The following CPNE8 variants were observed in gnomAD, a reference collection of about 807,000 sequenced individuals.
CPNE8 encodes the protein copine 8, also known as copine-8.
Under a neutral mutation model 81.5 loss-of-function variants are expected in CPNE8, and 45 were observed. The observed-to-expected ratio is 0.55, with a 90% CI of 0.44 to 0.71. The LOEUF is 0.71. CPNE8 is among the 30% of genes least tolerant of loss of function. The pLI is 0.00. For missense variants in CPNE8, 594 were observed against 672.1 expected, an observed-to-expected ratio of 0.88 and a Z score of 1.28; for synonymous variants, 252 against 226.3, an observed-to-expected ratio of 1.11 and a Z score of -1.02.
At chr12:38,737,515 C>T (rs1267431310) in intron 10 of CPNE8, among the ~76,000 whole-genome samples, 1 of 152,028 alleles carries the variant, frequency 6.6e-6, no homozygotes, top group Non-Finnish European at 1.5e-5. Context: ...TAATTCTGGG[C>T]CAATGCTAAA....
chr12:38,753,351 C>G (rs1345769812), intron 10 of CPNE8, among the ~76,000 whole-genome samples: 1 of 152,118 alleles, frequency 6.6e-6, no homozygotes, highest in African/African-American at 2.4e-5. Flanking sequence ...ACTCAGGAGG[C>G]TGAGACAGGA....
intron 6 of CPNE8, among the ~76,000 whole-genome samples, chr12:38,795,749 G>A (rs1382482579): frequency 6.6e-6 from 1 of 152,154 alleles, no homozygotes; most frequent in Non-Finnish European, 1.5e-5. Flanking sequence ...AATGAGTACA[G>A]AGTTTCAGTT....
At chr12:38,896,033 AT>A (rs568781134) in intron 1 of CPNE8, among the ~76,000 whole-genome samples, 40 of 152,132 alleles carry the variant, frequency 2.6e-4, no homozygotes, top group Non-Finnish European at 5.1e-4. Flanking sequence ...ATTAGCCCAC[AT>A]TAACCACTTT....
intron 6 of CPNE8, among the ~76,000 whole-genome samples, chr12:38,779,583 C>T (rs11169508): frequency 0.29 from 43,803 of 151,986 alleles, 8,188 homozygotes; most frequent in Non-Finnish European, 0.41. Context: ...TGAGTAGTTA[C>T]CAAAACTTCA....
rs145747740 is a variant in CPNE8 at position 38,721,715 on chromosome 12, C to T, written c.914+2057G>A. Among the ~76,000 whole-genome samples, 10 of 152,318 alleles carry T rather than the reference C, an allele frequency of 6.6e-5. No individual in the cohort carries two copies. The East Asian group carries it at 1.5e-3, about 24-fold the overall frequency. On this transcript the variant is annotated intron_variant, in intron 13 of 19. Transcript: ENST00000331366. ...GCTGTGGCCCCTGGGGGAGCCCAGA[C>T]CTGGGAGCTCCCTGAGCCAGGGATG...
intron 15 of CPNE8, among the ~76,000 whole-genome samples, chr12:38,688,797 G>A (rs1592010979): frequency 6.6e-6 from 1 of 152,110 alleles, no homozygotes. Flanking sequence ...GCATAAGAAT[G>A]ATATAATGGA....
chr12:38,766,018 C>T (rs1329730905), intron 8 of CPNE8, among the ~76,000 whole-genome samples: 1 of 152,182 alleles, frequency 6.6e-6, no homozygotes, highest in East Asian at 1.9e-4. Flanking sequence ...GCCACCACGC[C>T]CAGCTAATTT....
intron 4 of CPNE8, among the ~76,000 whole-genome samples, chr12:38,846,921 G>T (rs1943567838): frequency 6.6e-6 from 1 of 152,050 alleles, no homozygotes; most frequent in African/African-American, 2.4e-5. Flanking sequence ...TTTGAACAAT[G>T]GAAATTATAT....
chr12:38,769,538 T>A (rs1291216863), intron 7 of CPNE8, among the ~76,000 whole-genome samples: 3 of 152,188 alleles, frequency 2.0e-5, no homozygotes, highest in Admixed American at 6.5e-5. Context: ...CATTTCCATA[T>A]ATATTTAAAT....
intron 4 of CPNE8, among the ~76,000 whole-genome samples, chr12:38,842,188 AC>A (rs2137045587): frequency 6.6e-6 from 1 of 152,304 alleles, no homozygotes; most frequent in East Asian, 1.9e-4. Context: ...AGTTGCTAGT[AC>A]AAAAAAATAC....
intron 19 of CPNE8, among the ~76,000 whole-genome samples, chr12:38,655,226 T>G (rs1397531227): frequency 6.6e-6 from 1 of 152,190 alleles, no homozygotes; most frequent in East Asian, 1.9e-4. Context: ...TTTATATATG[T>G]AATTATGTGA....
intron 6 of CPNE8, among the ~76,000 whole-genome samples, chr12:38,819,703 C>G (rs781281441): frequency 2.8e-5 from 4 of 141,096 alleles, no homozygotes; most frequent in Non-Finnish European, 4.6e-5. Context: ...GGAGGCGGAC[C>G]TTGCAGTGAG....
intron 5 of CPNE8, among the ~76,000 whole-genome samples, chr12:38,830,760 A>G (rs190508695): frequency 1.5e-4 from 23 of 152,346 alleles, no homozygotes; most frequent in Admixed American, 1.4e-3. Flanking sequence ...AAGCCAACCT[A>G]TGGTGAGGAA....
intron 6 of CPNE8, among the ~76,000 whole-genome samples, chr12:38,817,614 C>T (rs78761695): frequency 1.6e-3 from 143 of 90,536 alleles, no homozygotes; most frequent in Middle Eastern, 0.025. Context: ...TTAATTTATT[C>T]TTTTTTTTTT....
At chr12:38,685,917 A>G (rs1208514293) in intron 15 of CPNE8, among the ~76,000 whole-genome samples, 1 of 152,194 alleles carries the variant, frequency 6.6e-6, no homozygotes, top group East Asian at 1.9e-4. Context: ...CCTAAAATTA[A>G]TAGTATCTTA....
At chr12:38,873,096 A>C in intron 2 of CPNE8, 46 bp from the exon 3 acceptor site, 1 of 1,176,326 alleles carries the variant, frequency 8.5e-7, no homozygotes, top group Non-Finnish European at 1.2e-6. Context: ...CTTTTATGAA[A>C]ATCATATGTG....
In CPNE8 at chr12:38,836,541, G is replaced by GA. The variant is rs539943493; in HGVS notation, c.330+3374dup. Among the ~76,000 whole-genome samples the GA allele has an allele frequency of 9.9e-3, 1,490 of 149,770 alleles. 12 individuals are homozygous for GA. The highest frequency in any genetic ancestry group is 0.033 in the African/African-American group (1,351 of 40,844). Reference sequence around the variant, plus strand: ...TTCAAAATTATCGGAAAAGAGAATGGAAAAAAAAAATTATTATTACTAATT... The same window carrying GA: ...TTCAAAATTATCGGAAAAGAGAATGGAAAAAAAAAAATTATTATTACTAATT... On this transcript the variant is annotated intron_variant, in intron 5 of 19. Transcript: ENST00000331366.
chr12:38,703,849 G>GAC lies in CPNE8; in HGVS notation c.915-930_915-929dup, dbSNP rs148039168. Among the ~76,000 whole-genome samples, 395 of 151,674 alleles carry GAC rather than the reference G, an allele frequency of 2.6e-3. 8 individuals are homozygous for GAC. The East Asian group carries it at 0.058, about 22-fold the overall frequency. On this transcript the variant is annotated intron_variant, in intron 13 of 19. Transcript: ENST00000331366. ...AGAATGCAATCCCATTCACAAGAGT[G>GAC]ACACACACACACACAAATATCTAGA...
At chr12:38,826,519 G>A (rs1398856589) in intron 6 of CPNE8, among the ~76,000 whole-genome samples, 1 of 152,088 alleles carries the variant, frequency 6.6e-6, no homozygotes, top group Non-Finnish European at 1.5e-5. Flanking sequence ...TACATAAAAT[G>A]ATCATGACTC....
Sources: allele counts gnomAD v4.1 joint callset (sites outside exome capture counted in the v4.1 genomes callset), GRCh38; gene constraint gnomAD v4.1.1; transcripts MANE v1.5; gene names NCBI Gene and HGNC (gene_info 2026-07-23, HGNC 2026-07-21).